VIPR1: variants seen among roughly 807,000 people sequenced by gnomAD.
VIPR1 encodes the protein vasoactive intestinal peptide receptor 1.
Under a neutral mutation model 58.8 loss-of-function variants are expected in VIPR1, and 59 were observed. The observed-to-expected ratio is 1.00, with a 90% CI of 0.81 to 1.25. The LOEUF is 1.25. Ranked by LOEUF, VIPR1 falls within the 50% of genes most tolerant of loss-of-function variation. The pLI is 0.00. For synonymous variants in VIPR1, 251 were observed against 242.1 expected, an observed-to-expected ratio of 1.04 and a Z score of -0.34; for missense variants, 626 against 602.7, an observed-to-expected ratio of 1.04 and a Z score of -0.40.
At chr3:42,520,095 T>G (rs1700836115) in intron 3 of VIPR1, among the ~76,000 whole-genome samples, 1 of 152,142 alleles carries the variant, frequency 6.6e-6, no homozygotes, top group Admixed American at 6.5e-5. Context: ...TCATCTGCAA[T>G]CTGAAGACCT....
intron 2 of VIPR1, among the ~76,000 whole-genome samples, chr3:42,514,400 C>T (rs183819205): frequency 4.9e-4 from 74 of 152,162 alleles, no homozygotes; most frequent in Non-Finnish European, 8.7e-4. Context: ...TTAGTGGTCC[C>T]GAGCAAGAAG....
At chr3:42,493,416 G>GTT (rs1699702324) in intron 1 of VIPR1, among the ~76,000 whole-genome samples, 2 of 152,240 alleles carry the variant, frequency 1.3e-5, no homozygotes, top group Non-Finnish European at 2.9e-5. Flanking sequence ...AATCATCAAA[G>GTT]TAATAAAGAT....
At chr3:42,534,645 TCAGCTAA>T (rs1701748088) in intron 10 of VIPR1, 1 of 183,982 alleles carries the variant, frequency 5.4e-6, no homozygotes, top group African/African-American at 2.4e-5. Flanking sequence ...ATAGTGGATT[TCAGCTAA>T]CATGTCCCTG....
In VIPR1 at chr3:42,531,454, C is replaced by A; in HGVS notation, c.791-17C>A. 6.4e-7 allele frequency: 1 copy of A among 1,566,914 alleles called. No homozygotes were observed. Among genetic ancestry groups the A allele is most frequent in the Non-Finnish European group, 8.7e-7 (1 of 1,154,596 alleles). On this transcript the variant is annotated splice_polypyrimidine_tract_variant and intron_variant, in intron 7 of 12. Transcript: ENST00000325123. ...CCTGTGCCCTCTCTGCTCTTTCACT[C>A]TCCCTGGGCCTGACAGGGGTACCCA...
At chr3:42,536,037 A>G (rs1228090762) in intron 12 of VIPR1, 53 bp from the exon 13 acceptor site, 15 of 1,511,742 alleles carry the variant, frequency 9.9e-6, no homozygotes, top group Non-Finnish European at 1.3e-5. Flanking sequence ...CAGCCCAATC[A>G]GCAGTGGAAG....
chr3:42,499,828 T>A (rs181263177), upstream of VIPR1, among the ~76,000 whole-genome samples: 1 of 152,296 alleles, frequency 6.6e-6, no homozygotes, highest in Non-Finnish European at 1.5e-5. Context: ...CACAAAAGGA[T>A]GGCTTCCTCA....
rs1272755459 is a variant in VIPR1, at chr3:42,522,119, T to A, written c.292+2789T>A. On this transcript the variant is annotated intron_variant, in intron 3 of 12. Coordinates refer to ENST00000325123, the MANE Select transcript of VIPR1 (RefSeq NM_004624.4). The stretch of plus-strand genomic sequence containing the variant: ...TATATATATTTTTTTTTTTTTTTTT[T>A]TTTTTTTTTTTAGACAGCGTCTCGC... 2.3e-4 allele frequency among the ~76,000 whole-genome samples: 21 copies of A among 91,748 alleles called. 1 individual carries two copies. Among genetic ancestry groups the A allele is most frequent in the African/African-American group, 9.8e-4 (21 of 21,498 alleles). 60.2% of individuals were successfully genotyped at this position (91,748 alleles called of 152,430 possible). A position where few individuals can be genotyped will look rare whatever the true frequency, so the allele number is the denominator to read the frequency against.
chr3:42,507,572 C>A (rs1443962061), intron 1 of VIPR1, among the ~76,000 whole-genome samples: 1 of 152,190 alleles, frequency 6.6e-6, no homozygotes, highest in African/African-American at 2.4e-5. Flanking sequence ...CCAACGTCAC[C>A]CACAGGCACT....
chr3:42,525,970 G>A lies in VIPR1; in HGVS notation c.376G>A (p.Asp126Asn), dbSNP rs1387477768. Residue 126 changes from aspartate to asparagine, a missense_variant, in exon 4 of 13, where the codon GAC (aspartate) becomes AAC (asparagine). Physicochemically the swap from Asp to Asn is conservative, Grantham distance 23. Transcript: ENST00000325123. ...GTACCCCATTGCCTGTGGTTTGGAT[G>A]ACAAGGCAGCGAGTTTGGATGAGGT... is the stretch of plus-strand genomic sequence containing the variant. ...GPYPIACGLDDKAASLDEQQT... is the reference protein window; with the variant it reads ...GPYPIACGLDNKAASLDEQQT... 3.7e-6 allele frequency: 6 copies of A among 1,613,178 alleles called. No homozygotes were observed. In the Admixed American group the frequency reaches 6.7e-5, roughly 18 times the overall value.
At chr3:42,517,384 A>T (rs2125651285) in intron 2 of VIPR1, among the ~76,000 whole-genome samples, 1 of 152,238 alleles carries the variant, frequency 6.6e-6, no homozygotes, top group East Asian at 1.9e-4. Flanking sequence ...GAGCAAATCT[A>T]TGGGACTGGC....
chr3:42,518,085 C>A (rs1423790012), intron 2 of VIPR1, among the ~76,000 whole-genome samples: 2 of 151,736 alleles, frequency 1.3e-5, no homozygotes, highest in African/African-American at 4.9e-5. Flanking sequence ...GGACACGTAC[C>A]CATCCACTTT....
intron 3 of VIPR1, among the ~76,000 whole-genome samples, chr3:42,520,786 C>T (rs1700877063): frequency 6.6e-6 from 1 of 152,084 alleles, no homozygotes; most frequent in African/African-American, 2.4e-5. Context: ...GGTGGTAGAC[C>T]CCAGGGTCTC....
In VIPR1 at chr3:42,502,833, C is replaced by T; in HGVS notation, c.78+20C>T. ...CCGGCGGTGAGTGTTCGCCCGGCCG[C>T]CCAGAGTCCCGGCAGCCTGGGGGTT... On this transcript the variant is annotated intron_variant, in intron 1 of 12. Coordinates refer to ENST00000325123, the MANE Select transcript of VIPR1 (RefSeq NM_004624.4). 1 of 1,251,928 alleles carries T rather than the reference C, an allele frequency of 8.0e-7. No individual in the cohort carries two copies. 77.6% of individuals were successfully genotyped at this position (1,251,928 alleles called of 1,614,324 possible).
intron 1 of VIPR1, among the ~76,000 whole-genome samples, chr3:42,510,528 G>A (rs1700311490): frequency 6.6e-6 from 1 of 152,150 alleles, no homozygotes; most frequent in African/African-American, 2.4e-5. Flanking sequence ...CCCTGGCCCG[G>A]TCCCTCAAAG....
chr3:42,492,633 G>C (rs1323854496), intron 1 of VIPR1: 1 of 152,324 alleles, frequency 6.6e-6, no homozygotes, highest in Non-Finnish European at 1.5e-5. Flanking sequence ...CTGCAGAGGA[G>C]GGTGGAGGCT....
intron 3 of VIPR1, among the ~76,000 whole-genome samples, chr3:42,522,774 A>G (rs920652497): frequency 6.6e-6 from 1 of 152,182 alleles, no homozygotes; most frequent in Non-Finnish European, 1.5e-5. Context: ...AAGCTGGGAC[A>G]GGACTGGTGA....
At chr3:42,532,522 G>A (rs906714596) in intron 10 of VIPR1, 189 bp downstream of exon 10, 1 of 648,468 alleles carries the variant, frequency 1.5e-6, no homozygotes, top group South Asian at 1.8e-5. Flanking sequence ...CCCTCACCAG[G>A]CTGCACTCAG....
intron 12 of VIPR1, 138 bp from the exon 13 acceptor site, chr3:42,535,951 AG>A (rs1701817910): frequency 7.4e-6 from 8 of 1,087,632 alleles, no homozygotes; most frequent in Admixed American, 3.0e-5. Flanking sequence ...GCACCGCCCG[AG>A]GCAGCATAGG....
chr3:42,491,112 C>T (rs1469730209), intron 1 of VIPR1, among the ~76,000 whole-genome samples: 1 of 152,192 alleles, frequency 6.6e-6, no homozygotes, highest in Admixed American at 6.5e-5. Flanking sequence ...GCAGAACCCA[C>T]AACCCAGTTT....
Sources: allele counts gnomAD v4.1 joint callset (sites outside exome capture counted in the v4.1 genomes callset), GRCh38; gene constraint gnomAD v4.1.1; transcripts MANE v1.5; gene names NCBI Gene and HGNC (gene_info 2026-07-23, HGNC 2026-07-21).